The following NDUFS7 variants were observed in gnomAD, a reference collection of about 807,000 sequenced individuals.
The protein encoded by NDUFS7 is NADH dehydrogenase [ubiquinone] iron-sulfur protein 7, mitochondrial.
A neutral mutation model predicts 31.1 loss-of-function variants in NDUFS7; 11 were observed. The ratio of observed to expected loss-of-function variants is 0.35; its 90% CI spans 0.22 to 0.59. NDUFS7 has a LOEUF of 0.59. Among genes scored for constraint, NDUFS7 ranks in the 20% least tolerant of loss-of-function variants. The probability of loss-of-function intolerance (pLI) is 0.79; values close to 1 mark genes in which losing one functional copy is unlikely to be tolerated. For missense variants in NDUFS7, 263 were observed against 324.2 expected (o/e 0.81, Z 1.45); for synonymous variants, 136 against 127.9 (o/e 1.06, Z -0.43).
chr19:1,394,557 AC>A, intron 7 of NDUFS7: 1 of 1,239,834 alleles, frequency 8.1e-7, no homozygotes, highest in Non-Finnish European at 1.0e-6. Flanking sequence ...CTCCCTGGGG[AC>A]CGCGCTCCTC....
At chr19:1,385,681 TG>T (rs1462378999) in intron 1 of NDUFS7, among the ~76,000 whole-genome samples, 18 of 151,760 alleles carry the variant, frequency 1.2e-4, no homozygotes, top group African/African-American at 4.1e-4. Flanking sequence ...TAGCTGAGCG[TG>T]GTAGCAGGCG....
At position 1,393,028 on chromosome 19, in the gene NDUFS7, C is replaced by T. The variant is rs532714357; in HGVS notation, c.456-214C>T. The T allele has an allele frequency of 5.6e-5, 34 of 602,058 alleles. No individual in the cohort carries two copies. The highest frequency in any genetic ancestry group is 7.4e-5 in the Non-Finnish European group (25 of 335,670). The allele number at this position is 602,058 out of a possible 1,614,324, so 37.3% of individuals were successfully genotyped here. ...CCCTCGGGAGGGGAGCACTTTTCCC[C>T]GAGTTATCAGCCACGTGTGAGCTTG... On this transcript the variant is annotated intron_variant, in intron 6 of 7. Transcript: ENST00000233627. This position sits in a 1 kb window ranked among gnomAD's most constrained non-coding sequence, Gnocchi z 7.3.
At chr19:1,389,207 TTGCACACATACACACA>T in intron 4 of NDUFS7, 2 of 681,118 alleles carry the variant, frequency 2.9e-6, no homozygotes, top group Non-Finnish European at 2.7e-6. Context: ...GCACACACGC[TTGCACACATACACACA>T]TGCACACTTG....
At position 1,395,542 on chromosome 19, in the gene NDUFS7, T is replaced by G. The variant is rs1156937218; in HGVS notation, c.*54T>G. On this transcript the variant is annotated 3_prime_UTR_variant, in exon 8 of 8. Transcript: ENST00000233627. ...CGCCGTCCTGTCCCCAGCCTGCTTG[T>G]GTCCCGTGAGGTTGTCAATAAACCT... 2.6e-6 allele frequency: 4 copies of G among 1,544,798 alleles called. No homozygotes were observed. The highest frequency in any genetic ancestry group is 3.5e-6 in the Non-Finnish European group (4 of 1,142,154).
chr19:1,387,712 C>G, intron 1 of NDUFS7, 99 bp from the exon 2 acceptor site: 1 of 1,098,154 alleles, frequency 9.1e-7, no homozygotes, highest in Non-Finnish European at 1.4e-6. Flanking sequence ...GGGATCAGAG[C>G]TAGGCTGTGC....
chr19:1,395,330 TG>T, intron 7 of NDUFS7, 60 bp from the exon 8 acceptor site: 1 of 1,556,290 alleles, frequency 6.4e-7, no homozygotes, highest in Admixed American at 2.0e-5. Flanking sequence ...CCGGCTGCGC[TG>T]TGCACGCGGT....
intron 1 of NDUFS7, 194 bp from the exon 2 acceptor site, chr19:1,387,617 A>G (rs1376705737): frequency 3.2e-6 from 2 of 616,034 alleles, no homozygotes; most frequent in African/African-American, 3.6e-5. Context: ...TTCCGGGGCC[A>G]TGCAGTCTCA....
intron 6 of NDUFS7, chr19:1,392,010 G>A (rs1568995070): frequency 6.6e-6 from 1 of 151,772 alleles, no homozygotes; most frequent in Non-Finnish European, 1.5e-5. Flanking sequence ...CACCACACCT[G>A]GCCAATTTTT....
chr19:1,387,914 GGGGGGT>G lies in NDUFS7; in HGVS notation c.53+73_53+78del, dbSNP rs1568986880. The G allele has an allele frequency of 1.5e-4, 59 of 405,608 alleles. 19 individuals carry two copies. Among genetic ancestry groups the G allele is most frequent in the Non-Finnish European group, 1.7e-4 (34 of 203,656 alleles). The allele number at this position is 405,608 out of a possible 1,614,324, so 25.1% of individuals were successfully genotyped here. A position where few individuals can be genotyped will look rare whatever the true frequency, so the allele number is the denominator to read the frequency against. ...CAGCAGCGACAGACGAACGGGGCGG[GGGGGGT>G]GGGGGGTGGGGGGAGCGCCTTGTTG... is the stretch of plus-strand genomic sequence containing the variant. On this transcript the variant is annotated intron_variant, in intron 2 of 7. Transcript: ENST00000233627.
At chr19:1,394,934 G>T (rs2082585548) in intron 7 of NDUFS7, 5 of 1,118,850 alleles carry the variant, frequency 4.5e-6, no homozygotes, top group Non-Finnish European at 5.5e-6. Flanking sequence ...GGCTCAGAAA[G>T]AGGGTCATCG....
chr19:1,394,395 A>C, intron 7 of NDUFS7: 3 of 1,289,200 alleles, frequency 2.3e-6, no homozygotes, highest in Non-Finnish European at 3.0e-6. Flanking sequence ...GCGAGTGTGG[A>C]CTGTACTCCT....
Position 1,389,230 on chromosome 19 carries a change from CTT to C in NDUFS7, c.228+293_228+294del, listed in dbSNP as rs1568989976. 8.9e-6 allele frequency: 6 copies of C among 671,238 alleles called. No homozygotes were observed. In the Admixed American group the frequency reaches 1.3e-4, roughly 14 times the overall value. 41.6% of individuals were successfully genotyped at this position (671,238 alleles called of 1,614,324 possible). ...GCTTGCACACATACACACATGCACA[CTT>C]GCACTCATGCACACTCATGCGCACA... is the stretch of plus-strand genomic sequence containing the variant. On this transcript the variant is annotated intron_variant, in intron 4 of 7. Coordinates refer to ENST00000233627, the MANE Select transcript of NDUFS7 (RefSeq NM_024407.5).
At chr19:1,391,206 T>C (rs1330969304) in intron 6 of NDUFS7, 41 bp downstream of exon 6, 2 of 1,602,970 alleles carry the variant, frequency 1.2e-6, no homozygotes, top group Non-Finnish European at 8.5e-7. Flanking sequence ...AGACGTAGCG[T>C]GAGTGCTGGC....
At chr19:1,390,831 G>A (rs185669286) in intron 4 of NDUFS7, 40 bp from the exon 5 acceptor site, 15 of 1,596,922 alleles carry the variant, frequency 9.4e-6, no homozygotes, top group Admixed American at 5.0e-5. Flanking sequence ...GCCACGCGGG[G>A]CTCCGGGGGT....
intron 7 of NDUFS7, chr19:1,394,701 T>C (rs1208904780): frequency 8.4e-7 from 1 of 1,185,988 alleles, no homozygotes; most frequent in Non-Finnish European, 1.1e-6. Flanking sequence ...CCCTGCGGAC[T>C]GTGCTTCTCC....
At chr19:1,395,229 G>A in intron 7 of NDUFS7, 162 bp from the exon 8 acceptor site, 1 of 1,438,094 alleles carries the variant, frequency 7.0e-7, no homozygotes, top group South Asian at 1.5e-5. Flanking sequence ...GACCTCCCCT[G>A]CGCCGGCTCC....
rs1182658759 is a variant in NDUFS7 at position 1,394,486 on chromosome 19, T to C, written c.545-905T>C. Reference sequence around the variant, plus strand: ...CGGACTGTGCTCCCTGTCTGGGGACTGCGCTCCTCCCTCCTTGGGGACCGT... The same window carrying C: ...CGGACTGTGCTCCCTGTCTGGGGACCGCGCTCCTCCCTCCTTGGGGACCGT... On this transcript the variant is annotated intron_variant, in intron 7 of 7. Transcript: ENST00000233627. 18 of 1,259,076 alleles carry C rather than the reference T, an allele frequency of 1.4e-5. No homozygotes were observed. The African/African-American group carries it at 2.2e-4, about 15-fold the overall frequency. 78.0% of individuals were successfully genotyped at this position (1,259,076 alleles called of 1,614,324 possible).
Position 1,391,018 on chromosome 19 carries a change from C to T in NDUFS7, c.376C>T (p.Leu126Phe), listed in dbSNP as rs2144620066. The T allele has an allele frequency of 6.2e-7, 1 of 1,613,396 alleles. No individual in the cohort carries two copies. The highest frequency in any genetic ancestry group is 8.5e-7 in the Non-Finnish European group (1 of 1,179,874). ...CGACGTCATGATCGTGGCCGGCACA[C>T]TCACCAACAAGATGGCCCCAGCGCT... The part of the protein sequence containing the change: ...QSDVMIVAGT[L>F]TNKMAPALRK... Residue 126 changes from leucine to phenylalanine, a missense_variant, in exon 5 of 8, where the codon CTC (leucine) becomes TTC (phenylalanine). Physicochemically the swap from Leu to Phe is conservative, Grantham distance 22. Transcript: ENST00000233627.
At chr19:1,389,020 G>T in intron 4 of NDUFS7, 82 bp downstream of exon 4, 3 of 1,128,826 alleles carry the variant, frequency 2.7e-6, no homozygotes, top group Non-Finnish European at 3.9e-6. Context: ...ACACACCAAC[G>T]TGCAGACACG....
Sources: gnomAD v4.1 joint callset for allele counts (sites outside exome capture counted in the v4.1 genomes callset) on GRCh38, gnomAD v4.1.1 for gene constraint, Gnocchi (gnomAD v3.1) non-coding constraint, MANE v1.5 for transcripts, NCBI Gene and HGNC (gene_info 2026-07-23, HGNC 2026-07-21) for gene names.